The following CSMD3 variants were observed in gnomAD, a reference collection of about 807,000 sequenced individuals.
CSMD3 encodes the protein CUB and sushi domain-containing protein 3.
In CSMD3, 177 loss-of-function variants were observed where a neutral mutation model predicts 435.2. That is an observed-to-expected ratio of 0.41 (90% confidence interval 0.36 to 0.46). The LOEUF is 0.46. Among genes scored for constraint, CSMD3 ranks in the 20% least tolerant of loss-of-function variants. CSMD3 has a pLI of 0.34. For missense variants in CSMD3, 4,265 were observed against 4,504.6 expected (o/e 0.95, Z 1.52); for synonymous variants, 1,656 against 1,520.5 (o/e 1.09, Z -2.07).
chr8:112,899,602 TATATATA>T (rs1564081636), intron 10 of CSMD3, among the ~76,000 whole-genome samples: 104 of 14,276 alleles, frequency 7.3e-3, no homozygotes, highest in African/African-American at 0.029. Flanking sequence ...GTCTATTTTA[TATATATA>T]TATATATATA....
At chr8:112,488,797 G>T (rs1273340494) in intron 31 of CSMD3, among the ~76,000 whole-genome samples, 15 of 152,016 alleles carry the variant, frequency 9.9e-5, no homozygotes, top group Admixed American at 9.8e-4. Flanking sequence ...TTTTGTATCA[G>T]GGAATAATAA....
chr8:113,040,437 G>C (rs1048303845), intron 5 of CSMD3, among the ~76,000 whole-genome samples: 1 of 152,216 alleles, frequency 6.6e-6, no homozygotes, highest in African/African-American at 2.4e-5. Flanking sequence ...AGTAGGGTTA[G>C]GGCAGGGACA....
intron 5 of CSMD3, among the ~76,000 whole-genome samples, chr8:113,078,655 C>T (rs2089441843): frequency 6.6e-6 from 1 of 152,100 alleles, no homozygotes; most frequent in Admixed American, 6.5e-5. Flanking sequence ...CCCACATGAG[C>T]TTTTAATGAA....
At chr8:112,930,398 GC>G (rs1368200375) in intron 9 of CSMD3, among the ~76,000 whole-genome samples, 1 of 151,950 alleles carries the variant, frequency 6.6e-6, no homozygotes, top group Non-Finnish European at 1.5e-5. Flanking sequence ...ATTTTAAAAA[GC>G]CCCAGAAGAC....
intron 16 of CSMD3, among the ~76,000 whole-genome samples, chr8:112,672,228 C>T (rs1586937072): frequency 6.6e-6 from 1 of 151,910 alleles, no homozygotes; most frequent in Non-Finnish European, 1.5e-5. Context: ...GCAAAACAGG[C>T]TTAACAGAAG....
intron 40 of CSMD3, among the ~76,000 whole-genome samples, chr8:112,348,354 TA>T (rs1825849118): frequency 6.6e-6 from 1 of 152,234 alleles, no homozygotes. Context: ...CTCTAATATC[TA>T]AAATCTCACA....
chr8:112,850,693 C>G (rs1381886814), intron 11 of CSMD3, among the ~76,000 whole-genome samples: 1 of 152,172 alleles, frequency 6.6e-6, no homozygotes, highest in Non-Finnish European at 1.5e-5. Flanking sequence ...ACTCAATACA[C>G]TTCAAAATTG....
At chr8:113,073,285 C>CT (rs1021131142) in intron 5 of CSMD3, among the ~76,000 whole-genome samples, 2 of 151,702 alleles carry the variant, frequency 1.3e-5, no homozygotes, top group African/African-American at 2.4e-5. Flanking sequence ...AATACAGTGA[C>CT]TTTTTTTTCC....
At chr8:113,168,963 TTAAC>T (rs1257443180) in intron 4 of CSMD3, among the ~76,000 whole-genome samples, 1 of 152,130 alleles carries the variant, frequency 6.6e-6, no homozygotes, top group Non-Finnish European at 1.5e-5. Context: ...TATCCTTTCA[TTAAC>T]TAAGTCACTA....
chr8:112,720,066 C>G (rs1248120635), intron 13 of CSMD3, among the ~76,000 whole-genome samples: 1 of 152,108 alleles, frequency 6.6e-6, no homozygotes, highest in African/African-American at 2.4e-5. Context: ...TCCCTTTGTC[C>G]AGTCATGACT....
chr8:112,904,077 CT>C (rs960952731), intron 10 of CSMD3, among the ~76,000 whole-genome samples: 78 of 151,344 alleles, frequency 5.2e-4, no homozygotes, highest in African/African-American at 1.8e-3. Flanking sequence ...TTAAACAATG[CT>C]TTTTCCCCCC....
chr8:112,609,671 C>T (rs2131461158), intron 22 of CSMD3, among the ~76,000 whole-genome samples: 1 of 152,104 alleles, frequency 6.6e-6, no homozygotes, highest in African/African-American at 2.4e-5. Context: ...GGGTATATAA[C>T]CGAAGGACAT....
rs2130411625 is a variant in CSMD3, at chr8:112,265,470, G to T, written c.9629C>A (p.Ser3210Tyr). 1 of 1,613,686 alleles carries T rather than the reference G, an allele frequency of 6.2e-7. No individual in the cohort carries two copies. The highest frequency in any genetic ancestry group is 2.2e-5 in the East Asian group (1 of 44,840). Reference protein sequence around the residue: ...QPGYTMELNGSRIRTCTINGT... With the variant: ...QPGYTMELNGYRIRTCTINGT... Reference sequence around the variant, plus strand: ...ATTAATTGTACAAGTCCTGATTCTGGAGCCATTCAATTCCATCGTGTAGCC... The same window carrying T: ...ATTAATTGTACAAGTCCTGATTCTGTAGCCATTCAATTCCATCGTGTAGCC... Residue 3210 changes from serine (S) to tyrosine (Y), a missense_variant, in exon 60 of 71, where the codon TCC becomes TAC. Physicochemically the swap from Ser to Tyr is moderately radical, Grantham distance 144 (BLOSUM62 -2). Coordinates refer to ENST00000297405, the MANE Select transcript of CSMD3 (RefSeq NM_198123.2).
intron 1 of CSMD3, among the ~76,000 whole-genome samples, chr8:113,318,243 T>C (rs2093924351): frequency 6.6e-6 from 1 of 152,174 alleles, no homozygotes; most frequent in African/African-American, 2.4e-5. Flanking sequence ...CCCTCAATCC[T>C]AATTCTGGCA....
At chr8:112,940,246 A>G (rs2083411300) in intron 9 of CSMD3, among the ~76,000 whole-genome samples, 1 of 151,864 alleles carries the variant, frequency 6.6e-6, no homozygotes, top group African/African-American at 2.4e-5. Context: ...GAGATATACC[A>G]GCATTTTAAT....
intron 13 of CSMD3, among the ~76,000 whole-genome samples, chr8:112,703,594 A>G (rs1283285029): frequency 6.6e-6 from 1 of 152,176 alleles, no homozygotes; most frequent in Non-Finnish European, 1.5e-5. Context: ...CTCTGACTTG[A>G]CAACAGTTGA....
chr8:112,834,547 C>G lies in CSMD3; in HGVS notation c.1756-4758G>C, dbSNP rs553249002. Among the ~76,000 whole-genome samples the G allele has an allele frequency of 7.3e-5, 11 of 151,488 alleles. No individual in the cohort carries two copies. The South Asian group carries it at 2.1e-3, about 29-fold the overall frequency. On this transcript the variant is annotated intron_variant, in intron 11 of 70. Coordinates refer to ENST00000297405, the MANE Select transcript of CSMD3 (RefSeq NM_198123.2). ...TAAATAAAGCTTAGGAAAACAAAAA[C>G]AAAATGACAACAAAACTTGTTCATT...
intron 50 of CSMD3, 76 bp from the exon 51 acceptor site, chr8:112,306,268 T>TA (rs2130789755): frequency 9.3e-7 from 1 of 1,071,536 alleles, no homozygotes; most frequent in South Asian, 1.3e-5. Context: ...TGCTGAACTG[T>TA]AAAACATGCA....
At position 112,749,872 on chromosome 8, in the gene CSMD3, T is replaced by C. The variant is rs566242096; in HGVS notation, c.1972+50290A>G. Among the ~76,000 whole-genome samples the C allele has an allele frequency of 3.6e-3, 545 of 151,378 alleles. 8 individuals carry two copies. The highest frequency in any genetic ancestry group is 0.013 in the African/African-American group (522 of 41,126). ...GAAGACTAAAATATTTCTCTGTCAGTCACAGAGAAGGATTGAAGACTGCTG... is the reference window on the plus strand; with the variant it reads ...GAAGACTAAAATATTTCTCTGTCAGCCACAGAGAAGGATTGAAGACTGCTG... On this transcript the variant is annotated intron_variant, in intron 13 of 70. Coordinates refer to ENST00000297405, the MANE Select transcript of CSMD3 (RefSeq NM_198123.2).
Sources: gnomAD v4.1 joint callset for allele counts (sites outside exome capture counted in the v4.1 genomes callset) on GRCh38, gnomAD v4.1.1 for gene constraint, MANE v1.5 for transcripts, NCBI Gene and HGNC (gene_info 2026-07-23, HGNC 2026-07-21) for gene names.